The following ESR1 variants were observed in gnomAD, a reference collection of about 807,000 sequenced individuals.
ESR1 encodes the protein estrogen receptor 1.
In ESR1, 12 loss-of-function variants were observed where a neutral mutation model predicts 52.7. The observed-to-expected ratio is 0.23, with a 90% confidence interval of 0.15 to 0.37. ESR1 has a LOEUF of 0.37. Ranked by LOEUF, ESR1 falls within the 10% of genes least tolerant of loss-of-function variation. ESR1 has a pLI of 1.00. For synonymous variants in ESR1, 305 were observed against 316.8 expected, an observed-to-expected ratio of 0.96 and a Z score of 0.39; for missense variants, 584 against 779.7, an observed-to-expected ratio of 0.75 and a Z score of 2.99.
At chr6:152,075,895 A>G (rs1196030529) in intron 6 of ESR1, among the ~76,000 whole-genome samples, 1 of 152,196 alleles carries the variant, frequency 6.6e-6, no homozygotes, top group Non-Finnish European at 1.5e-5. Flanking sequence ...TCACATTAAC[A>G]TTGTTCATTG....
intron 2 of ESR1, among the ~76,000 whole-genome samples, chr6:151,713,510 T>C (rs556259998): frequency 6.6e-6 from 1 of 152,314 alleles, no homozygotes; most frequent in Non-Finnish European, 1.5e-5. Context: ...CTGCCTCAAT[T>C]TCAGAACTTG....
chr6:152,014,263 T>A (rs909531184), intron 5 of ESR1, among the ~76,000 whole-genome samples: 1 of 151,948 alleles, frequency 6.6e-6, no homozygotes, highest in Non-Finnish European at 1.5e-5. Flanking sequence ...AGGGGCTGTC[T>A]TGTGCATTTT....
chr6:151,856,398 A>G (rs1787844758), intron 2 of ESR1, among the ~76,000 whole-genome samples: 2 of 152,174 alleles, frequency 1.3e-5, no homozygotes, highest in South Asian at 4.1e-4. Context: ...TCTATGGGAT[A>G]TTTATGAAAG....
intron 1 of ESR1, among the ~76,000 whole-genome samples, chr6:151,694,783 T>C (rs1226424396): frequency 7.3e-6 from 1 of 137,048 alleles, no homozygotes; most frequent in Non-Finnish European, 1.6e-5. Context: ...TGAAACTGCA[T>C]CTAAAAAAAG....
intron 5 of ESR1, among the ~76,000 whole-genome samples, chr6:152,038,756 G>A (rs1212892838): frequency 2.6e-5 from 4 of 151,864 alleles, no homozygotes; most frequent in South Asian, 2.1e-4. Flanking sequence ...TCAGCCTCCC[G>A]AGTAGCTGGG....
chr6:151,896,202 T>A (rs1795475404), intron 3 of ESR1, among the ~76,000 whole-genome samples: 1 of 152,238 alleles, frequency 6.6e-6, no homozygotes, highest in Non-Finnish European at 1.5e-5. Flanking sequence ...CTTCATCGAA[T>A]GATTTAGGGA....
At chr6:151,763,226 T>A (rs1293227560) in intron 2 of ESR1, among the ~76,000 whole-genome samples, 13 of 128,674 alleles carry the variant, frequency 1.0e-4, no homozygotes, top group African/African-American at 3.6e-4. Flanking sequence ...CTGTGTCTGA[T>A]TTTTTTTTTT....
intron 4 of ESR1, among the ~76,000 whole-genome samples, chr6:151,969,339 G>A (rs73628444): frequency 6.6e-6 from 1 of 152,116 alleles, no homozygotes; most frequent in African/African-American, 2.4e-5. Context: ...CTATAAACCT[G>A]TAATCAAAAA....
At chr6:152,039,093 A>C (rs1407121080) in intron 5 of ESR1, among the ~76,000 whole-genome samples, 1 of 152,222 alleles carries the variant, frequency 6.6e-6, no homozygotes, top group African/African-American at 2.4e-5. Flanking sequence ...GCTGCAACTC[A>C]TCACATGGTC....
At chr6:151,986,655 A>G (rs1191076579) in intron 4 of ESR1, among the ~76,000 whole-genome samples, 1 of 152,144 alleles carries the variant, frequency 6.6e-6, no homozygotes, top group African/African-American at 2.4e-5. Flanking sequence ...TTAAATGAAA[A>G]AGTGTCAGGT....
At chr6:151,750,881 G>T (rs1409428272) in intron 2 of ESR1, among the ~76,000 whole-genome samples, 1 of 152,142 alleles carries the variant, frequency 6.6e-6, no homozygotes, top group Non-Finnish European at 1.5e-5. Flanking sequence ...GTAAGCTTTT[G>T]TTTCAGAAGG....
chr6:151,701,515 G>A (rs745361316), intron 1 of ESR1, among the ~76,000 whole-genome samples: 37 of 135,588 alleles, frequency 2.7e-4, no homozygotes, highest in Non-Finnish European at 4.7e-4. Flanking sequence ...GGTGGCAAGA[G>A]CGACACTACA....
chr6:152,050,124 T>C (rs1283735102), intron 5 of ESR1, among the ~76,000 whole-genome samples: 1 of 152,244 alleles, frequency 6.6e-6, no homozygotes, highest in African/African-American at 2.4e-5. Flanking sequence ...AAGTGAAATA[T>C]GGATTTAAGC....
At chr6:151,834,296 C>T (rs1405707418) in intron 1 of ESR1, among the ~76,000 whole-genome samples, 1 of 152,176 alleles carries the variant, frequency 6.6e-6, no homozygotes. Context: ...TTGGAACCAA[C>T]CCAAATGCCC....
chr6:151,795,066 A>G (rs1427208727), intron 2 of ESR1, among the ~76,000 whole-genome samples: 7 of 152,178 alleles, frequency 4.6e-5, no homozygotes, highest in African/African-American at 1.7e-4. Flanking sequence ...CGTTTCCTAT[A>G]TCATTGCATT....
chr6:151,673,833 G>T (rs1414429015), intron 1 of ESR1, among the ~76,000 whole-genome samples: 1 of 152,072 alleles, frequency 6.6e-6, no homozygotes, highest in African/African-American at 2.4e-5. Flanking sequence ...AGTGAGCCAT[G>T]ATTATGGCAT....
At chr6:152,011,630 GC>G in intron 4 of ESR1, 25 bp from the exon 5 acceptor site, 1 of 1,612,872 alleles carries the variant, frequency 6.2e-7, no homozygotes, top group Non-Finnish European at 8.5e-7. Flanking sequence ...ATTTGAGTCA[GC>G]AGGGTTTTTC....
At chr6:151,820,148 G>A (rs909367550) in intron 1 of ESR1, among the ~76,000 whole-genome samples, 2 of 152,158 alleles carry the variant, frequency 1.3e-5, no homozygotes, top group African/African-American at 4.8e-5. Flanking sequence ...GTTTAATAGA[G>A]CAAGTGACCC....
intron 1 of ESR1, among the ~76,000 whole-genome samples, chr6:151,665,636 C>A (rs1262217710): frequency 1.3e-5 from 2 of 151,960 alleles, no homozygotes; most frequent in Non-Finnish European, 2.9e-5. Flanking sequence ...TCGCTGAATT[C>A]ATCATCCCTC....
Sources: gnomAD v4.1 joint callset for allele counts (sites outside exome capture counted in the v4.1 genomes callset) on GRCh38, gnomAD v4.1.1 for gene constraint, MANE v1.5 for transcripts, NCBI Gene and HGNC (gene_info 2026-07-23, HGNC 2026-07-21) for gene names.